SEPTIN9: variants seen among roughly 807,000 people sequenced by gnomAD.
SEPTIN9 encodes septin 9.
Under a neutral mutation model 56.6 loss-of-function variants are expected in SEPTIN9, and 13 were observed. The observed-to-expected ratio is 0.23, with a 90% CI of 0.15 to 0.37. The LOEUF is 0.37. Ranked by LOEUF, SEPTIN9 falls within the 10% of genes least tolerant of loss-of-function variation. The pLI is 1.00. For missense variants in SEPTIN9, 650 were observed against 823.1 expected (o/e 0.79, Z 2.57); for synonymous variants, 332 against 334.1 (o/e 0.99, Z 0.07).
chr17:77,394,712 C>T (rs1012819199), intron 2 of SEPTIN9, among the ~76,000 whole-genome samples: 1 of 152,154 alleles, frequency 6.6e-6, no homozygotes, highest in Non-Finnish European at 1.5e-5. Flanking sequence ...GATATGTACA[C>T]CAGGAAGTGC....
intron 2 of SEPTIN9, among the ~76,000 whole-genome samples, chr17:77,357,168 T>A (rs2034281903): frequency 6.6e-6 from 1 of 152,058 alleles, no homozygotes; most frequent in South Asian, 2.1e-4. Flanking sequence ...TGTGGAATCT[T>A]CCAGGTGTGG....
intron 3 of SEPTIN9, among the ~76,000 whole-genome samples, chr17:77,407,731 G>A (rs775519071): frequency 2.0e-5 from 3 of 152,236 alleles, no homozygotes; most frequent in Non-Finnish European, 4.4e-5. Flanking sequence ...CTCGGTTTCC[G>A]AGGCTCTGGC....
Position 77,451,150 on chromosome 17 carries a change from C to T in SEPTIN9, c.722-30994C>T, listed in dbSNP as rs2037951229. The T allele has an allele frequency of 6.4e-6, 1 of 157,092 alleles. No individual in the cohort carries two copies. The highest frequency in any genetic ancestry group is 2.4e-5 in the African/African-American group (1 of 41,492). The allele number at this position is 157,092 out of a possible 1,614,324, so 9.7% of individuals were successfully genotyped here. A position where few individuals can be genotyped will look rare whatever the true frequency, so the allele number is the denominator to read the frequency against. On this transcript the variant is annotated intron_variant, in intron 3 of 11. Coordinates refer to ENST00000427177, the MANE Select transcript of SEPTIN9 (RefSeq NM_001113491.2). The surrounding 1 kb of genome is among the most constrained non-coding windows in gnomAD (Gnocchi z 4.2). ...CATGGCCAGAGGTCCCTGGGAGCCT[C>T]TTCCCCTCTCTTCTTCCTAGCAGCT... is the stretch of plus-strand genomic sequence containing the variant.
At chr17:77,287,260 G>T (rs1366530882) in intron 1 of SEPTIN9, among the ~76,000 whole-genome samples, 1 of 152,218 alleles carries the variant, frequency 6.6e-6, no homozygotes, top group African/African-American at 2.4e-5. Flanking sequence ...TGTGGGTGCC[G>T]AGCTTCTGTG....
At chr17:77,328,492 A>G (rs1422674197) in intron 2 of SEPTIN9, among the ~76,000 whole-genome samples, 1 of 152,070 alleles carries the variant, frequency 6.6e-6, no homozygotes, top group Non-Finnish European at 1.5e-5. Context: ...CAGCCTCCCA[A>G]ATAGCTGGGA....
rs1077817 is a variant in SEPTIN9, at chr17:77,389,063, G to A, written c.77-12996G>A. 0.085 allele frequency among the ~76,000 whole-genome samples: 12,996 copies of A among 152,078 alleles called. 666 individuals are homozygous for A. The highest frequency in any genetic ancestry group is 0.12 in the Non-Finnish European group (8,118 of 67,958). On this transcript the variant is annotated intron_variant, in intron 2 of 11. Transcript: ENST00000427177. This position sits in a 1 kb window ranked among gnomAD's most constrained non-coding sequence, Gnocchi z 4.3. ...CCTCAGAACAGACACTGACCAACAC[G>A]CTCCTCAGGGTCTCCAGGTCCGGGT...
At chr17:77,496,201 G>C (rs1282101657) in intron 10 of SEPTIN9, 1 of 151,800 alleles carries the variant, frequency 6.6e-6, no homozygotes, top group Non-Finnish European at 1.5e-5. Context: ...GCTAATTTTT[G>C]TATTTTTAAC....
chr17:77,331,202 AAAT>A (rs916003338), intron 2 of SEPTIN9, among the ~76,000 whole-genome samples: 179 of 152,254 alleles, frequency 1.2e-3, no homozygotes, highest in African/African-American at 3.9e-3. Flanking sequence ...AAAAAATAAA[AAAT>A]AATAATAATA....
Position 77,327,705 on chromosome 17 carries a change from C to T in SEPTIN9, c.76+20508C>T, listed in dbSNP as rs532544516. ...GGAGACTCCCTCTGCCTGTGGACGC[C>T]CTCATACCTCCATCCGTGGAGCCAC... On this transcript the variant is annotated intron_variant, in intron 2 of 11. Transcript: ENST00000427177. This position sits in a 1 kb window ranked among gnomAD's most constrained non-coding sequence, Gnocchi z 5.0. Among the ~76,000 whole-genome samples, 212 of 152,150 alleles carry T rather than the reference C, an allele frequency of 1.4e-3. 1 individual carries two copies. Among genetic ancestry groups the T allele is most frequent in the African/African-American group, 4.8e-3 (200 of 41,484 alleles).
At chr17:77,321,236 G>A (rs2032908741) in intron 2 of SEPTIN9, among the ~76,000 whole-genome samples, 1 of 152,126 alleles carries the variant, frequency 6.6e-6, no homozygotes, top group South Asian at 2.1e-4. Flanking sequence ...GGAGCGGGAG[G>A]TCGCTAAGAG....
chr17:77,388,977 C>T (rs1237724666), intron 2 of SEPTIN9, among the ~76,000 whole-genome samples: 1 of 152,076 alleles, frequency 6.6e-6, no homozygotes, highest in African/African-American at 2.4e-5. Flanking sequence ...CAAGGGAGAG[C>T]TTGTCCGGGA....
chr17:77,476,124 A>T lies in SEPTIN9; in HGVS notation c.722-6020A>T, dbSNP rs547638990. Among the ~76,000 whole-genome samples the T allele has an allele frequency of 1.8e-4, 28 of 152,212 alleles. 1 individual carries two copies. Among genetic ancestry groups the T allele is most frequent in the African/African-American group, 6.7e-4 (28 of 41,516 alleles). ...GCATTTGGCCAGCAAGGCTGATGGGACTTGTGTGGACATTTCTGGGACGTA... is the reference window on the plus strand; with the variant it reads ...GCATTTGGCCAGCAAGGCTGATGGGTCTTGTGTGGACATTTCTGGGACGTA... On this transcript the variant is annotated intron_variant, in intron 3 of 11. Coordinates refer to ENST00000427177, the MANE Select transcript of SEPTIN9 (RefSeq NM_001113491.2). The surrounding 1 kb of genome is among the most constrained non-coding windows in gnomAD (Gnocchi z 6.0).
intron 3 of SEPTIN9, among the ~76,000 whole-genome samples, chr17:77,444,317 C>T (rs1598384560): frequency 6.6e-6 from 1 of 152,008 alleles, no homozygotes; most frequent in Non-Finnish European, 1.5e-5. Context: ...CAGGAGGGAG[C>T]GAGATGGGAG....
chr17:77,345,781 A>C (rs1000067580), intron 2 of SEPTIN9, among the ~76,000 whole-genome samples: 1 of 152,222 alleles, frequency 6.6e-6, no homozygotes, highest in Non-Finnish European at 1.5e-5. Flanking sequence ...TCCCCTGTGG[A>C]TAGAGCCTGA....
intron 3 of SEPTIN9, among the ~76,000 whole-genome samples, chr17:77,412,735 AAG>A (rs1234626651): frequency 1.3e-5 from 2 of 152,134 alleles, no homozygotes; most frequent in Non-Finnish European, 2.9e-5. Flanking sequence ...AAAAAAAAAA[AAG>A]AGTTATTTGT....
rs2036027351 is a variant in SEPTIN9, at chr17:77,405,243, G to A, written c.721+2540G>A. 1 of 997,636 alleles carries A rather than the reference G, an allele frequency of 1.0e-6. No individual in the cohort carries two copies. The highest frequency in any genetic ancestry group is 1.6e-5 in the African/African-American group (1 of 61,684). 61.8% of individuals were successfully genotyped at this position (997,636 alleles called of 1,614,324 possible). On this transcript the variant is annotated intron_variant, in intron 3 of 11. Coordinates refer to ENST00000427177, the MANE Select transcript of SEPTIN9 (RefSeq NM_001113491.2). This position sits in a 1 kb window ranked among gnomAD's most constrained non-coding sequence, Gnocchi z 5.8. The stretch of plus-strand genomic sequence containing the variant: ...GAGACTGTGCCGGGAGCCAGGCCCA[G>A]GGACACAACCTGCGGGCTCTGCTTT...
intron 3 of SEPTIN9, 104 bp from the exon 4 acceptor site, chr17:77,482,040 A>T: frequency 9.0e-7 from 1 of 1,106,862 alleles, no homozygotes; most frequent in Non-Finnish European, 1.3e-6. Flanking sequence ...TCTGAGCCTC[A>T]GTGCCTCAGT....
chr17:77,373,727 G>T (rs1290391922), intron 2 of SEPTIN9: 8 of 1,282,366 alleles, frequency 6.2e-6, no homozygotes, highest in Non-Finnish European at 8.1e-6. Context: ...CCCCGTGCCC[G>T]CGCCGCCTAC....
intron 4 of SEPTIN9, among the ~76,000 whole-genome samples, chr17:77,484,741 G>GAT (rs1568111608): frequency 1.3e-3 from 86 of 68,614 alleles, no homozygotes; most frequent in East Asian, 1.8e-3. Context: ...TGATGGTGGT[G>GAT]GTGGTGGTTG....
Sources: gnomAD v4.1 joint callset for allele counts (sites outside exome capture counted in the v4.1 genomes callset) on GRCh38, gnomAD v4.1.1 for gene constraint, Gnocchi (gnomAD v3.1) non-coding constraint, MANE v1.5 for transcripts, NCBI Gene and HGNC (gene_info 2026-07-23, HGNC 2026-07-21) for gene names.